Variants in PRKX observed in about 807,000 individuals in gnomAD.
PRKX encodes the protein protein kinase cAMP-dependent X-linked catalytic subunit.
Under a neutral mutation model 22.0 loss-of-function variants are expected in PRKX, and 12 were observed. The ratio of observed to expected loss-of-function variants is 0.54; its 90% CI spans 0.35 to 0.88. The LOEUF (loss-of-function observed/expected upper bound fraction) is 0.88. Ranked by LOEUF, PRKX falls within the 40% of genes least tolerant of loss-of-function variation. PRKX has a pLI of 0.01. For missense variants in PRKX, 217 were observed against 308.0 expected (o/e 0.70, Z 2.21); for synonymous variants, 134 against 137.7 (o/e 0.97, Z 0.19).
At chrX:3,686,973 C>T (rs1928191620) in intron 1 of PRKX, among the ~76,000 whole-genome samples, 1 of 112,252 alleles carries the variant, frequency 8.9e-6, no homozygotes, top group Non-Finnish European at 1.9e-5. Flanking sequence ...ATCCAACCAA[C>T]ACCACCAACC....
chrX:3,701,936 CAAGA>C (rs1054529999), intron 1 of PRKX, among the ~76,000 whole-genome samples: 1 of 112,125 alleles, frequency 8.9e-6, no homozygotes, highest in Non-Finnish European at 1.9e-5. Flanking sequence ...ACCATATAAT[CAAGA>C]AATAGCCATA....
rs1927457505 is a variant in PRKX at position 3,655,337 on chromosome X, G to A, written c.411C>T (p.Tyr137=). ...TGGAGAAGCGCCCCCGGTTGCGCAG[G>A]TAGCTGAAGAGCTCGCCGCCCGGCA... The part of the protein sequence containing the change: ...EYVPGGELFS[Y]LRNRGRFSST... The change falls in exon 3 of 9, where the codon TAC becomes TAT. Residue 137 remains tyrosine (Y), a synonymous_variant. Transcript: ENST00000262848. 1 of 1,212,332 alleles carries A rather than the reference G, an allele frequency of 8.2e-7. No homozygotes were observed.
intron 1 of PRKX, among the ~76,000 whole-genome samples, chrX:3,701,823 C>T (rs1167971438): frequency 8.9e-6 from 1 of 111,895 alleles, no homozygotes; most frequent in East Asian, 2.8e-4. Flanking sequence ...CTCACTGCTA[C>T]ACTCCCATCA....
intron 1 of PRKX, among the ~76,000 whole-genome samples, chrX:3,695,423 T>C (rs1192121809): frequency 3.3e-4 from 37 of 111,671 alleles, no homozygotes; most frequent in African/African-American, 1.1e-3. Flanking sequence ...GCTTTTGTTT[T>C]TGTTTTTGAG....
At chrX:3,682,070 G>A (rs772802347) in intron 1 of PRKX, among the ~76,000 whole-genome samples, 1 of 111,464 alleles carries the variant, frequency 9.0e-6, no homozygotes, top group African/African-American at 3.3e-5. Context: ...TCACAAAACG[G>A]AAAAGAAACC....
chrX:3,712,500 C>A (rs1338085050), intron 1 of PRKX, among the ~76,000 whole-genome samples: 1 of 112,211 alleles, frequency 8.9e-6, no homozygotes, highest in Non-Finnish European at 1.9e-5. Context: ...TTCAGAGGCA[C>A]AAGACGAAGA....
chrX:3,694,224 TA>T (rs1195038891), intron 1 of PRKX, among the ~76,000 whole-genome samples: 2 of 105,780 alleles, frequency 1.9e-5, no homozygotes, highest in African/African-American at 6.9e-5. Flanking sequence ...CCGTCTCCAC[TA>T]AAAATATAAA....
At chrX:3,684,016 G>T (rs1471305343) in intron 1 of PRKX, among the ~76,000 whole-genome samples, 2 of 111,720 alleles carry the variant, frequency 1.8e-5, no homozygotes, top group African/African-American at 6.5e-5. Flanking sequence ...ACTTCGGGAG[G>T]CCAAGGCAGG....
At chrX:3,637,584 G>A (rs1184591901) in intron 4 of PRKX, among the ~76,000 whole-genome samples, 1 of 111,040 alleles carries the variant, frequency 9.0e-6, no homozygotes, top group Non-Finnish European at 1.9e-5. Flanking sequence ...GAGACACAGG[G>A]CTGCTGAGAA....
At chrX:3,706,467 G>A (rs112426963) in intron 1 of PRKX, among the ~76,000 whole-genome samples, 2 of 111,374 alleles carry the variant, frequency 1.8e-5, no homozygotes, top group Non-Finnish European at 3.8e-5. Context: ...GGGTACAGGC[G>A]TGAGCCTCCA....
intron 3 of PRKX, among the ~76,000 whole-genome samples, chrX:3,642,972 T>C (rs1211289908): frequency 1.3e-5 from 1 of 76,171 alleles, no homozygotes; most frequent in African/African-American, 5.5e-5. Flanking sequence ...CACTTTACAC[T>C]CCAACCTGGG....
rs772980401 is a variant in PRKX, at chrX:3,652,597, AAAAC to A, written c.599+2548_599+2551del. 1.7e-4 allele frequency among the ~76,000 whole-genome samples: 19 copies of A among 111,224 alleles called. No homozygotes were observed. In the East Asian group the frequency reaches 4.2e-3, roughly 25 times the overall value. On this transcript the variant is annotated intron_variant, in intron 3 of 8. Coordinates refer to ENST00000262848, the MANE Select transcript of PRKX (RefSeq NM_005044.5). ...AGACTTCGTCCCAAAAAAAAACAAA[AAAAC>A]AAACAAAAAAGGATAACTGTTTTCT... is the stretch of plus-strand genomic sequence containing the variant.
chrX:3,705,504 C>T (rs994575838), intron 1 of PRKX, among the ~76,000 whole-genome samples: 1 of 111,096 alleles, frequency 9.0e-6, no homozygotes, highest in African/African-American at 3.3e-5. Context: ...CCTGGAGAAA[C>T]AGGCAGAGGG....
At chrX:3,690,116 G>C (rs1459948799) in intron 1 of PRKX, among the ~76,000 whole-genome samples, 1 of 112,471 alleles carries the variant, frequency 8.9e-6, no homozygotes, top group Non-Finnish European at 1.9e-5. Context: ...AGAAAAGAAT[G>C]TATGCTTTGG....
chrX:3,690,455 G>A (rs888294218), intron 1 of PRKX, among the ~76,000 whole-genome samples: 9 of 112,804 alleles, frequency 8.0e-5, no homozygotes, highest in South Asian at 3.6e-4. Flanking sequence ...AAATGTGGCC[G>A]TGAGTAGTGG....
At chrX:3,627,798 G>A (rs1226175517) in intron 4 of PRKX, among the ~76,000 whole-genome samples, 2 of 111,016 alleles carry the variant, frequency 1.8e-5, no homozygotes, top group Non-Finnish European at 3.8e-5. Flanking sequence ...TGGTGGGAAC[G>A]TAAACTAGTA....
intron 4 of PRKX, among the ~76,000 whole-genome samples, chrX:3,632,079 T>A (rs1256159937): frequency 9.1e-6 from 1 of 110,258 alleles, no homozygotes; most frequent in Non-Finnish European, 1.9e-5. Context: ...GAAGTGGGGG[T>A]GGGTTACATG....
intron 6 of PRKX, 59 bp downstream of exon 6, chrX:3,621,200 G>T (rs1926548466): frequency 2.8e-6 from 3 of 1,057,460 alleles, no homozygotes; most frequent in African/African-American, 3.7e-5. Flanking sequence ...CAATGTGGGT[G>T]TTAGACGGCA....
chrX:3,670,367 T>C (rs1272026061), intron 2 of PRKX, among the ~76,000 whole-genome samples: 1 of 111,964 alleles, frequency 8.9e-6, no homozygotes, highest in Non-Finnish European at 1.9e-5. Context: ...CTGAATGCAC[T>C]GGATCAACTT....
Sources: allele counts gnomAD v4.1 joint callset (sites outside exome capture counted in the v4.1 genomes callset), GRCh38; gene constraint gnomAD v4.1.1; transcripts MANE v1.5; gene names NCBI Gene and HGNC (gene_info 2026-07-23, HGNC 2026-07-21).